DHX57: variants seen among roughly 807,000 people sequenced by gnomAD.
The protein encoded by DHX57 is DExH-box helicase 57, also known as putative ATP-dependent RNA helicase DHX57.
A neutral mutation model predicts 156.2 loss-of-function variants in DHX57; 105 were observed. The observed-to-expected ratio is 0.67, with a 90% confidence interval of 0.57 to 0.79. DHX57 has a LOEUF of 0.79. Among genes scored for constraint, DHX57 ranks in the 30% least tolerant of loss-of-function variants. The probability of loss-of-function intolerance (pLI) is 0.00; values close to 1 mark genes in which losing one functional copy is unlikely to be tolerated. For missense variants in DHX57, 1,847 were observed against 1,661.9 expected (o/e 1.11, Z -1.94); for synonymous variants, 704 against 595.6 (o/e 1.18, Z -2.65).
intron 6 of DHX57, among the ~76,000 whole-genome samples, chr2:38,857,793 A>T (rs1672974854): frequency 6.6e-6 from 1 of 152,244 alleles, no homozygotes; most frequent in African/African-American, 2.4e-5. Context: ...ACCACTTACT[A>T]GCTATGCGAT....
intron 13 of DHX57, among the ~76,000 whole-genome samples, chr2:38,833,391 C>T (rs921949589): frequency 4.6e-5 from 7 of 152,242 alleles, no homozygotes; most frequent in East Asian, 1.9e-4. Context: ...GATCCGCCTG[C>T]CTCGGCCTCC....
In DHX57 at chr2:38,803,509, CAG is replaced by C. The variant is rs919413551; in HGVS notation, c.3817-596_3817-595del. On this transcript the variant is annotated intron_variant, in intron 22 of 23. Transcript: ENST00000457308. ...AACAAATTTTTTTTTTTTTTTGAGA[CAG>C]AGTTTTGCTCTTTTTGTCCAGGCTG... Among the ~76,000 whole-genome samples, 84 of 149,172 alleles carry C rather than the reference CAG, an allele frequency of 5.6e-4. 2 individuals are homozygous for C. The highest frequency in any genetic ancestry group is 6.8e-3 in the Middle Eastern group (2 of 294).
At chr2:38,807,716 C>T (rs576595949) in intron 21 of DHX57, among the ~76,000 whole-genome samples, 88 of 150,650 alleles carry the variant, frequency 5.8e-4, no homozygotes, top group Admixed American at 1.4e-3. Flanking sequence ...GGTGCAATCT[C>T]GGCTCACTGC....
intron 23 of DHX57, among the ~76,000 whole-genome samples, chr2:38,799,220 A>C (rs577493316): frequency 4.0e-4 from 61 of 151,776 alleles, no homozygotes; most frequent in African/African-American, 1.3e-3. Flanking sequence ...GTACAAAATT[A>C]GCTGGGATGG....
rs763345335 is a variant in DHX57 at position 38,798,354 on chromosome 2, C to T, written c.4106G>A (p.Cys1369Tyr). The T allele has an allele frequency of 1.2e-6, 2 of 1,614,076 alleles. No homozygotes were observed. Among genetic ancestry groups the T allele is most frequent in the Non-Finnish European group, 1.7e-6 (2 of 1,180,022 alleles). Residue 1369 changes from cysteine (C) to tyrosine (Y), a missense_variant, in exon 24 of 24, where the codon TGT becomes TAT. Transcript: ENST00000457308. The stretch of plus-strand genomic sequence containing the variant: ...GCTGATGATCCGGGATCCTCGAGGA[C>T]ACGTACACAGATCAATGCTTGGGTT... ...IKNPSIDLCTCPRGSRIISTI... is the reference protein window; with the variant it reads ...IKNPSIDLCTYPRGSRIISTI...
At chr2:38,807,078 C>T (rs949006557) in intron 21 of DHX57, among the ~76,000 whole-genome samples, 3 of 151,326 alleles carry the variant, frequency 2.0e-5, no homozygotes, top group East Asian at 1.9e-4. Flanking sequence ...TTTTTGAGAC[C>T]GAGTCTCACT....
chr2:38,858,693 C>T lies in DHX57; in HGVS notation c.1555G>A (p.Gly519Ser). ...ATTCGGAACTGCTTGCAGATTTTAC[C>T]ATTTTCAGCATGTACTGACTTTGCC... The part of the protein sequence containing the change: ...WQAKSVHAEN[G>S]KICKQFRMKQ... Residue 519 changes from glycine (G) to serine (S), a missense_variant, in exon 6 of 24, where the codon GGT becomes AGT. Coordinates refer to ENST00000457308, the MANE Select transcript of DHX57 (RefSeq NM_198963.3). The T allele has an allele frequency of 6.2e-7, 1 of 1,613,472 alleles. No homozygotes were observed. The highest frequency in any genetic ancestry group is 8.5e-7 in the Non-Finnish European group (1 of 1,179,858).
Position 38,836,110 on chromosome 2 carries a change from A to G in DHX57, c.2542+1721T>C, listed in dbSNP as rs556484048. ...AGACTCAAGACTGCTTTTAACTTCT[A>G]TTATGACGTGGACCATTCTATGATA... On this transcript the variant is annotated intron_variant, in intron 13 of 23. Transcript: ENST00000457308. 7.2e-5 allele frequency among the ~76,000 whole-genome samples: 11 copies of G among 152,356 alleles called. No individual in the cohort carries two copies. In the South Asian group the frequency reaches 1.7e-3, roughly 23 times the overall value.
chr2:38,854,116 A>G lies in DHX57; in HGVS notation c.1968T>C (p.Asp656=), dbSNP rs779657972. The change falls in exon 9 of 24, where the codon GAT becomes GAC. Residue 656 remains aspartate, a synonymous_variant. Transcript: ENST00000457308. ...TATGGGAAACTCCTTGTAGAGCTGTATCTCCTTCTAGCCTTCTCAGCAGCA... is the reference window on the plus strand; with the variant it reads ...TATGGGAAACTCCTTGTAGAGCTGTGTCTCCTTCTAGCCTTCTCAGCAGCA... ...TGVLLRRLEG[D]TALQGVSHII... is the part of the protein sequence containing the mutation. 6.2e-7 allele frequency: 1 copy of G among 1,614,052 alleles called. No homozygotes were observed. The highest frequency in any genetic ancestry group is 8.5e-7 in the Non-Finnish European group (1 of 1,179,960).
At chr2:38,868,451 G>A in intron 1 of DHX57, 40 bp from the exon 2 acceptor site, 1 of 1,584,466 alleles carries the variant, frequency 6.3e-7, no homozygotes, top group Non-Finnish European at 8.6e-7. Flanking sequence ...CATAAAACCA[G>A]ACATGTATGA....
At chr2:38,836,876 A>G (rs1007325669) in intron 13 of DHX57, among the ~76,000 whole-genome samples, 5 of 151,890 alleles carry the variant, frequency 3.3e-5, no homozygotes, top group African/African-American at 1.2e-4. Context: ...TTTTTGAGAC[A>G]GGGTCTTGCT....
Position 38,826,699 on chromosome 2 carries a change from A to G in DHX57, c.2640-10T>C, listed in dbSNP as rs1671104730. On this transcript the variant is annotated splice_polypyrimidine_tract_variant and intron_variant, in intron 14 of 23. Transcript: ENST00000457308. ...TGGGTGAATAACACATCTGGAAGGA[A>G]ATAAAAGCACATGAAGTATTCTAGC... The G allele has an allele frequency of 1.2e-6, 2 of 1,613,000 alleles. No homozygotes were observed. The highest frequency in any genetic ancestry group is 1.7e-5 in the Admixed American group (1 of 59,898).
rs756456813 is a variant in DHX57 at position 38,806,681 on chromosome 2, C to T, written c.3694G>A (p.Glu1232Lys). ...YPNVVQVKSP[E>K]GKFQKTSTGA... ...GTACTGGTCTTCTGAAATTTTCCTT[C>T]TGGGCTTTTCACCTAAACAACAAGT... Residue 1232 changes from glutamate (E) to lysine (K), a missense_variant, in exon 22 of 24, where the codon GAA (glutamate) becomes AAA (lysine). Physicochemically the swap from Glu to Lys is moderately conservative, Grantham distance 56. Coordinates refer to ENST00000457308, the MANE Select transcript of DHX57 (RefSeq NM_198963.3). 6.2e-7 allele frequency: 1 copy of T among 1,613,850 alleles called. No individual in the cohort carries two copies. Among genetic ancestry groups the T allele is most frequent in the South Asian group, 1.1e-5 (1 of 91,010 alleles).
intron 1 of DHX57, among the ~76,000 whole-genome samples, chr2:38,870,605 C>T (rs950280580): frequency 9.9e-5 from 15 of 152,250 alleles, no homozygotes; most frequent in East Asian, 3.9e-4. Context: ...TAGGGCTGGG[C>T]GTGGTGGCTC....
intron 9 of DHX57, among the ~76,000 whole-genome samples, chr2:38,850,129 A>G (rs925519779): frequency 1.3e-5 from 2 of 152,226 alleles, no homozygotes; most frequent in African/African-American, 2.4e-5. Context: ...TCATCTGTGT[A>G]AGAAAAAAAG....
chr2:38,873,401 G>A lies in DHX57; in HGVS notation c.-7+2386C>T, dbSNP rs543550354. On this transcript the variant is annotated intron_variant, in intron 1 of 23. Coordinates refer to ENST00000457308, the MANE Select transcript of DHX57 (RefSeq NM_198963.3). The stretch of plus-strand genomic sequence containing the variant: ...AAATTTGGGAAACTCACAAATATGT[G>A]TATATTAAACTAGGTCTTCCTAGGT... 2.0e-5 allele frequency among the ~76,000 whole-genome samples: 3 copies of A among 152,350 alleles called. No homozygotes were observed. The East Asian group carries it at 5.8e-4, about 29-fold the overall frequency.
Position 38,818,919 on chromosome 2 carries a change from A to G in DHX57, c.3429T>C (p.Tyr1143=). The change falls in exon 19 of 24, where the codon TAT becomes TAC. Residue 1143 remains tyrosine, a synonymous_variant. Coordinates refer to ENST00000457308, the MANE Select transcript of DHX57 (RefSeq NM_198963.3). The stretch of plus-strand genomic sequence containing the variant: ...ACAAGAAGTTTTGTCTGCAGTAATT[A>G]TAACTTGCACGCACGCCTTCTTTTG... ...LSTKEGVRAS[Y]NYCRQNFLSG... The G allele has an allele frequency of 2.5e-6, 4 of 1,614,250 alleles. No individual in the cohort carries two copies. The highest frequency in any genetic ancestry group is 3.4e-6 in the Non-Finnish European group (4 of 1,180,042).
intron 12 of DHX57, among the ~76,000 whole-genome samples, chr2:38,839,870 A>G (rs1452837964): frequency 1.3e-5 from 2 of 152,212 alleles, no homozygotes; most frequent in Non-Finnish European, 2.9e-5. Flanking sequence ...CTTTGCCAAG[A>G]TTCCAAAAAG....
In DHX57 at chr2:38,861,554, G is replaced by A. The variant is rs763752195; in HGVS notation, c.856C>T (p.Arg286Cys). 68 of 1,613,946 alleles carry A rather than the reference G, an allele frequency of 4.2e-5. No homozygotes were observed. Among genetic ancestry groups the A allele is most frequent in the South Asian group, 2.2e-4 (20 of 91,070 alleles). ...LELEYLTSRF[R>C]KSKPKESTKN... ...GTACTTTCTTTTGGCTTGGATTTGC[G>A]GAATCTACTTGTCAGATACTCCAGT... The change falls in exon 5 of 24, where the codon CGC (arginine) becomes TGC (cysteine). Residue 286 changes from arginine (R) to cysteine (C), a missense_variant. Physicochemically the swap from Arg to Cys is radical, Grantham distance 180. Transcript: ENST00000457308.
Sources: gnomAD v4.1 joint callset for allele counts (sites outside exome capture counted in the v4.1 genomes callset) on GRCh38, gnomAD v4.1.1 for gene constraint, MANE v1.5 for transcripts, NCBI Gene and HGNC (gene_info 2026-07-23, HGNC 2026-07-21) for gene names.